OPCML: variants seen among roughly 807,000 people sequenced by gnomAD.
OPCML encodes the protein opioid binding protein/cell adhesion molecule like, also known as opioid-binding protein/cell adhesion molecule.
In OPCML, 13 loss-of-function variants were observed where a neutral mutation model predicts 37.8. The observed-to-expected ratio is 0.34, with a 90% CI of 0.22 to 0.55. The LOEUF (loss-of-function observed/expected upper bound fraction) is 0.55. Ranked by LOEUF, OPCML falls within the 20% of genes least tolerant of loss-of-function variation. The pLI is 0.91. For missense variants in OPCML, 341 were observed against 435.6 expected (o/e 0.78, Z 1.93); for synonymous variants, 176 against 168.8 (o/e 1.04, Z -0.33).
At chr11:132,696,077 A>G (rs1943588738) in intron 2 of OPCML, among the ~76,000 whole-genome samples, 1 of 152,172 alleles carries the variant, frequency 6.6e-6, no homozygotes, top group Admixed American at 6.6e-5. Flanking sequence ...ACCCAGGCAA[A>G]TAGAACAAAT....
At chr11:133,236,501 CCTTTTCAAAGA>C (rs530233285) in intron 1 of OPCML, among the ~76,000 whole-genome samples, 3,153 of 152,274 alleles carry the variant, frequency 0.021, 51 homozygotes, top group Non-Finnish European at 0.031. Flanking sequence ...AGTAGAGGTT[CCTTTTCAAAGA>C]CTTGTCTCCC....
chr11:133,018,337 G>T (rs1032664551), intron 1 of OPCML, among the ~76,000 whole-genome samples: 4 of 152,148 alleles, frequency 2.6e-5, no homozygotes, highest in African/African-American at 9.7e-5. Flanking sequence ...ATGTAGATAC[G>T]TGTGTGTGCA....
rs912762922 is a variant in OPCML at position 132,417,084 on chromosome 11, C to G, written c.*3109G>C. 10 of 152,646 alleles carry G rather than the reference C, an allele frequency of 6.6e-5. No individual in the cohort carries two copies. Among genetic ancestry groups the G allele is most frequent in the African/African-American group, 2.4e-4 (10 of 41,436 alleles). 9.5% of individuals were successfully genotyped at this position (152,646 alleles called of 1,614,324 possible). A position where few individuals can be genotyped will look rare whatever the true frequency, so the allele number is the denominator to read the frequency against. On this transcript the variant is annotated 3_prime_UTR_variant, in exon 8 of 8. Coordinates refer to ENST00000524381, the MANE Select transcript of OPCML (RefSeq NM_001012393.5). ...ATGTGGAAAACCTGCAAGAGATGTACTTGCTCAGACTTGTATGTTTTGTCC... is the reference window on the plus strand; with the variant it reads ...ATGTGGAAAACCTGCAAGAGATGTAGTTGCTCAGACTTGTATGTTTTGTCC...
chr11:132,563,337 T>C (rs544265173), intron 3 of OPCML, among the ~76,000 whole-genome samples: 1 of 152,148 alleles, frequency 6.6e-6, no homozygotes, highest in South Asian at 2.1e-4. Context: ...CATGTTAAAT[T>C]TGCATCTATA....
At chr11:133,472,000 T>C (rs1947126907) in intron 1 of OPCML, among the ~76,000 whole-genome samples, 1 of 152,226 alleles carries the variant, frequency 6.6e-6, no homozygotes, top group African/African-American at 2.4e-5. Context: ...CTGATCTTTC[T>C]ATTGCACTTT....
At chr11:133,170,343 G>A (rs866422271) in intron 1 of OPCML, among the ~76,000 whole-genome samples, 28 of 152,110 alleles carry the variant, frequency 1.8e-4, no homozygotes, top group Middle Eastern at 3.2e-3. Flanking sequence ...AAACTTAGCC[G>A]GATGTGGTGG....
At chr11:132,455,683 A>C (rs2096080312) in intron 4 of OPCML, among the ~76,000 whole-genome samples, 1 of 152,214 alleles carries the variant, frequency 6.6e-6, no homozygotes, top group Admixed American at 6.5e-5. Flanking sequence ...ACTCAAAAGC[A>C]GTTCTCTTGT....
chr11:132,868,835 C>T (rs1291120119), intron 2 of OPCML, among the ~76,000 whole-genome samples: 1 of 152,122 alleles, frequency 6.6e-6, no homozygotes, highest in Non-Finnish European at 1.5e-5. Context: ...AATTGTTTGA[C>T]TTTGAGGGCA....
chr11:132,748,963 A>C (rs1226197450), intron 2 of OPCML, among the ~76,000 whole-genome samples: 1 of 152,088 alleles, frequency 6.6e-6, no homozygotes, highest in Non-Finnish European at 1.5e-5. Context: ...TGTTTTATGG[A>C]TTGAATGTTT....
intron 4 of OPCML, among the ~76,000 whole-genome samples, chr11:132,455,196 C>T (rs913937983): frequency 2.6e-5 from 4 of 152,184 alleles, no homozygotes; most frequent in Admixed American, 2.0e-4. Flanking sequence ...GTAAATTAAG[C>T]ACAGAACCAC....
chr11:132,973,339 T>C (rs960433386), intron 1 of OPCML, among the ~76,000 whole-genome samples: 29 of 152,304 alleles, frequency 1.9e-4, no homozygotes, highest in Middle Eastern at 6.8e-3. Flanking sequence ...CAATCCCTCT[T>C]TCGTCAGCTT....
chr11:133,458,684 TGTGTGTGTATATATACACATAGATGCAC>T (rs1299721876), intron 1 of OPCML, among the ~76,000 whole-genome samples: 40 of 136,854 alleles, frequency 2.9e-4, no homozygotes, highest in South Asian at 7.4e-4. Flanking sequence ...TAGATGCACG[TGTGTGTGTATATATACACATAGATGCAC>T]GTGTGTGTAT....
At chr11:132,657,375 G>A (rs1941761156) in intron 2 of OPCML, 56 bp from the exon 3 acceptor site, 1 of 1,585,804 alleles carries the variant, frequency 6.3e-7, no homozygotes, top group African/African-American at 1.3e-5. Context: ...AGAGAGTGGA[G>A]AGATTATATA....
At chr11:133,012,496 G>A (rs577436446) in intron 1 of OPCML, among the ~76,000 whole-genome samples, 5 of 152,150 alleles carry the variant, frequency 3.3e-5, no homozygotes, top group East Asian at 1.9e-4. Flanking sequence ...TTTAATAATG[G>A]TGTTGCACAT....
chr11:133,085,956 C>T (rs1411674938), intron 1 of OPCML, among the ~76,000 whole-genome samples: 3 of 152,098 alleles, frequency 2.0e-5, no homozygotes, highest in African/African-American at 4.8e-5. Context: ...ATATCTAACT[C>T]GGCTCCTTCC....
chr11:132,984,424 T>C (rs1194454135), intron 1 of OPCML, among the ~76,000 whole-genome samples: 1 of 152,248 alleles, frequency 6.6e-6, no homozygotes, highest in Non-Finnish European at 1.5e-5. Flanking sequence ...GCACACTGAA[T>C]AAGACATACT....
intron 2 of OPCML, among the ~76,000 whole-genome samples, chr11:132,827,834 C>T (rs531854024): frequency 1.7e-4 from 25 of 149,658 alleles, no homozygotes; most frequent in South Asian, 2.1e-4. Flanking sequence ...TTAGTAGAGA[C>T]GGGGTTTCAC....
chr11:132,751,061 G>C (rs1945815372), intron 2 of OPCML, among the ~76,000 whole-genome samples: 1 of 152,142 alleles, frequency 6.6e-6, no homozygotes, highest in South Asian at 2.1e-4. Flanking sequence ...ATGTGATCAT[G>C]AACAAACCGG....
intron 1 of OPCML, among the ~76,000 whole-genome samples, chr11:133,055,593 G>A (rs112996271): frequency 2.1e-4 from 28 of 133,860 alleles, no homozygotes; most frequent in Non-Finnish European, 2.7e-4. Flanking sequence ...TGAGGGAGCC[G>A]CCTCTACCGT....
Sources: gnomAD v4.1 joint callset for allele counts (sites outside exome capture counted in the v4.1 genomes callset) on GRCh38, gnomAD v4.1.1 for gene constraint, MANE v1.5 for transcripts, NCBI Gene and HGNC (gene_info 2026-07-23, HGNC 2026-07-21) for gene names.